Variants in OSBPL6 observed in about 807,000 individuals in gnomAD.
The protein encoded by OSBPL6 is oxysterol binding protein like 6.
A neutral mutation model predicts 125.8 loss-of-function variants in OSBPL6; 49 were observed. That is an observed-to-expected ratio of 0.39 (90% CI 0.31 to 0.49). OSBPL6 has a LOEUF of 0.49. Among genes scored for constraint, OSBPL6 ranks in the 20% least tolerant of loss-of-function variants. The pLI, the probability that OSBPL6 is intolerant of heterozygous loss-of-function variation, is 0.88. For synonymous variants in OSBPL6, 394 were observed against 391.8 expected, an observed-to-expected ratio of 1.01 and a Z score of -0.07; for missense variants, 986 against 1,135.4, an observed-to-expected ratio of 0.87 and a Z score of 1.89.
At chr2:178,224,422 G>A (rs1435472894) in intron 1 of OSBPL6, among the ~76,000 whole-genome samples, 1 of 152,140 alleles carries the variant, frequency 6.6e-6, no homozygotes, top group African/African-American at 2.4e-5. Context: ...TTCTGAAAAT[G>A]CAATGAAAAT....
At chr2:178,307,780 A>G (rs1310309843) in intron 3 of OSBPL6, among the ~76,000 whole-genome samples, 2 of 152,126 alleles carry the variant, frequency 1.3e-5, no homozygotes, top group African/African-American at 4.8e-5. Flanking sequence ...ACTGCTGGGA[A>G]GAAGGAAGCA....
intron 3 of OSBPL6, chr2:178,320,371 A>T (rs1444894886): frequency 6.2e-7 from 1 of 1,613,298 alleles, no homozygotes. Flanking sequence ...AATATGCATC[A>T]GTTATCTCTG....
rs543424619 is a variant in OSBPL6 at position 178,256,231 on chromosome 2, T to C, written c.-350-28696T>C. ...TTAGCAAAAAGACCCTTTCCGTGGA[T>C]AGGACATGTTAGACTGTAAGGAGGA... On this transcript the variant is annotated intron_variant, in intron 1 of 24. Coordinates refer to ENST00000190611, the MANE Select transcript of OSBPL6 (RefSeq NM_032523.4). 1.1e-3 allele frequency among the ~76,000 whole-genome samples: 167 copies of C among 152,334 alleles called. 1 individual carries two copies. Among genetic ancestry groups the C allele is most frequent in the Admixed American group, 5.4e-3 (82 of 15,294 alleles).
intron 2 of OSBPL6, among the ~76,000 whole-genome samples, chr2:178,291,792 GCCATCCATCCATCCAT>G (rs371679590): frequency 8.6e-6 from 1 of 116,726 alleles, no homozygotes; most frequent in African/African-American, 2.9e-5. Context: ...CTTCCTGCCT[GCCATCCATCCATCCAT>G]CCATCCATCC....
At chr2:178,355,162 T>C (rs1691661077) in intron 12 of OSBPL6, among the ~76,000 whole-genome samples, 3 of 151,724 alleles carry the variant, frequency 2.0e-5, no homozygotes, top group Non-Finnish European at 4.4e-5. Flanking sequence ...CACCCTAACA[T>C]CACAATTAAA....
chr2:178,236,473 G>A (rs1347561516), intron 1 of OSBPL6, among the ~76,000 whole-genome samples: 1 of 152,186 alleles, frequency 6.6e-6, no homozygotes, highest in African/African-American at 2.4e-5. Flanking sequence ...ATGTCAGACA[G>A]CGTTGGTTTC....
chr2:178,284,394 A>C (rs1684501916), intron 1 of OSBPL6, among the ~76,000 whole-genome samples: 1 of 152,158 alleles, frequency 6.6e-6, no homozygotes, highest in Admixed American at 6.6e-5. Flanking sequence ...CTCTACTAAA[A>C]ATAAAAAAAT....
chr2:178,233,464 C>G (rs1359893297), intron 1 of OSBPL6, among the ~76,000 whole-genome samples: 2 of 152,162 alleles, frequency 1.3e-5, no homozygotes, highest in South Asian at 2.1e-4. Context: ...CCCTTCATTT[C>G]TGGCAGTTCT....
At chr2:178,204,209 G>C (rs1351582444) in intron 1 of OSBPL6, among the ~76,000 whole-genome samples, 1 of 151,908 alleles carries the variant, frequency 6.6e-6, no homozygotes, top group Non-Finnish European at 1.5e-5. Context: ...TTTTAGTAGA[G>C]AGGGTGGTTA....
intron 13 of OSBPL6, among the ~76,000 whole-genome samples, chr2:178,366,610 A>G (rs1692856334): frequency 6.6e-6 from 1 of 152,232 alleles, no homozygotes. Flanking sequence ...GAATCAGCGA[A>G]ATGTAAATAG....
At chr2:178,246,201 G>C (rs13425411) in intron 1 of OSBPL6, among the ~76,000 whole-genome samples, 6 of 152,086 alleles carry the variant, frequency 3.9e-5, no homozygotes, top group Non-Finnish European at 7.4e-5. Context: ...AGTATTAGCT[G>C]TTTCTCCTTT....
Position 178,328,371 on chromosome 2 carries a change from G to A in OSBPL6, c.311G>A (p.Trp104Ter), listed in dbSNP as rs1185025018. 1 of 1,612,434 alleles carries A rather than the reference G, an allele frequency of 6.2e-7. No homozygotes were observed. Among genetic ancestry groups the A allele is most frequent in the African/African-American group, 1.3e-5 (1 of 74,760 alleles). Reference sequence around the variant, plus strand: ...AAAAGAAAATGGCCTTTAAAAGGCTGGCACAAGGTAACATTTTTATCATAT... The same window carrying A: ...AAAAGAAAATGGCCTTTAAAAGGCTAGCACAAGGTAACATTTTTATCATAT... ...LKKRKWPLKGWHKRFFVLDNG... is the reference protein window; with the variant it reads ...LKKRKWPLKG The change falls in exon 5 of 25, where the codon TGG becomes TAG. Residue 104 changes from tryptophan to a stop codon, truncating the protein, a stop_gained. Transcript: ENST00000190611. LOFTEE classifies it high-confidence loss of function.
chr2:178,395,967 C>A lies in OSBPL6; in HGVS notation c.*408C>A. On this transcript the variant is annotated 3_prime_UTR_variant, in exon 25 of 25. Coordinates refer to ENST00000190611, the MANE Select transcript of OSBPL6 (RefSeq NM_032523.4). ...TTCCACTGTCTGGAAGCACCATCCC[C>A]TATCGCAGGACTCCTGGGCCACAAG... 2 of 358,418 alleles carry A rather than the reference C, an allele frequency of 5.6e-6. No homozygotes were observed. The highest frequency in any genetic ancestry group is 2.3e-5 in the South Asian group (1 of 44,056). 22.2% of individuals were successfully genotyped at this position (358,418 alleles called of 1,614,324 possible). A position where few individuals can be genotyped will look rare whatever the true frequency, so the allele number is the denominator to read the frequency against.
rs74705211 is a variant in OSBPL6, at chr2:178,384,259, G to A, written c.2013+83G>A. ...GAAAGCACCATTTCGATAACAATCT[G>A]TTGGGATGGGTTATGATACCAGTTG... On this transcript the variant is annotated intron_variant, in intron 18 of 24. Transcript: ENST00000190611. 8.0e-3 allele frequency: 12,092 copies of A among 1,504,982 alleles called. 413 individuals carry two copies. The African/African-American group carries it at 0.094, about 12-fold the overall frequency. The allele number at this position is 1,504,982 out of a possible 1,614,324, so 93.2% of individuals were successfully genotyped here. A position where few individuals can be genotyped will look rare whatever the true frequency, so the allele number is the denominator to read the frequency against.
chr2:178,387,968 C>T (rs1695089472), intron 20 of OSBPL6, among the ~76,000 whole-genome samples: 2 of 151,706 alleles, frequency 1.3e-5, no homozygotes, highest in African/African-American at 4.8e-5. Context: ...TGTGCCACTG[C>T]ACTCCAGCCT....
At chr2:178,336,535 C>G (rs1292842367) in intron 9 of OSBPL6, 102 bp downstream of exon 9, 4 of 1,312,496 alleles carry the variant, frequency 3.0e-6, no homozygotes, top group African/African-American at 1.5e-5. Flanking sequence ...CCCTGATTGC[C>G]TTGATCGTCT....
chr2:178,395,507 A>G lies in OSBPL6; in HGVS notation c.2753A>G (p.Glu918Gly), dbSNP rs1695783050. The G allele has an allele frequency of 3.7e-6, 6 of 1,613,754 alleles. No homozygotes were observed. The highest frequency in any genetic ancestry group is 5.1e-6 in the Non-Finnish European group (6 of 1,179,856). ...EAWVSNDTYW[E>G]LRKDPGFSKV... ...TGGGTTTCTAACGACACCTACTGGG[A>G]GCTTCGAAAGGACCCTGGGTTTAGC... The change falls in exon 25 of 25, where the codon GAG becomes GGG. Residue 918 changes from glutamate to glycine, a missense_variant. Around this residue, in one of 3 missense-constraint regions of OSBPL6, gnomAD observed 843 missense variants for 997.3 expected, o/e 0.85. Coordinates refer to ENST00000190611, the MANE Select transcript of OSBPL6 (RefSeq NM_032523.4).
At chr2:178,283,731 A>G (rs1684438415) in intron 1 of OSBPL6, among the ~76,000 whole-genome samples, 1 of 152,212 alleles carries the variant, frequency 6.6e-6, no homozygotes, top group Non-Finnish European at 1.5e-5. Flanking sequence ...CGGTGCTAGC[A>G]TCTGCTTCTG....
rs1231089287 is a variant in OSBPL6 at position 178,395,732 on chromosome 2, C to T, written c.*173C>T. 16 of 508,648 alleles carry T rather than the reference C, an allele frequency of 3.1e-5. No homozygotes were observed. In the East Asian group the frequency reaches 6.6e-4, roughly 21 times the overall value. The allele number at this position is 508,648 out of a possible 1,614,324, so 31.5% of individuals were successfully genotyped here. On this transcript the variant is annotated 3_prime_UTR_variant, in exon 25 of 25. Transcript: ENST00000190611. Reference sequence around the variant, plus strand: ...AAGTGCATTAGACAAGGCCCCTAACCACTTTGGGATCCTTTCTGTTTTGCT... The same window carrying T: ...AAGTGCATTAGACAAGGCCCCTAACTACTTTGGGATCCTTTCTGTTTTGCT...
Sources: allele counts gnomAD v4.1 joint callset (sites outside exome capture counted in the v4.1 genomes callset), GRCh38; gene constraint gnomAD v4.1.1; regional missense constraint gnomAD v4.1.1; transcripts MANE v1.5; gene names NCBI Gene and HGNC (gene_info 2026-07-23, HGNC 2026-07-21).